Variants in TARBP1 observed in about 807,000 individuals in gnomAD.
TARBP1 encodes tRNA guanosine 2 -O-methyltransferase TARBP1, also known as tRNA (guanosine(18)-2'-O)-methyltransferase TARBP1.
A neutral mutation model predicts 178.6 loss-of-function variants in TARBP1; 144 were observed. The observed-to-expected ratio is 0.81, with a 90% CI of 0.70 to 0.93. The LOEUF (loss-of-function observed/expected upper bound fraction) is 0.93, where lower values mean the gene tolerates loss of function less well. TARBP1 is among the 40% of genes least tolerant of loss of function. The pLI is 0.00. For missense variants in TARBP1, 2,067 were observed against 2,011.7 expected, an observed-to-expected ratio of 1.03 and a Z score of -0.53; for synonymous variants, 787 against 781.0, an observed-to-expected ratio of 1.01 and a Z score of -0.13.
chr1:234,446,676 TA>T (rs1214409439), intron 12 of TARBP1, 126 bp downstream of exon 12: 5 of 242,714 alleles, frequency 2.1e-5, no homozygotes, highest in Non-Finnish European at 3.1e-5. Context: ...ATTTCTTAAA[TA>T]TATATAATTT....
chr1:234,411,634 G>C (rs1410996704), intron 22 of TARBP1, among the ~76,000 whole-genome samples: 1 of 152,156 alleles, frequency 6.6e-6, no homozygotes, highest in Non-Finnish European at 1.5e-5. Flanking sequence ...ATACTGTAGA[G>C]GCTTTAAAAA....
At chr1:234,464,404 C>A (rs1245811526) in intron 5 of TARBP1, among the ~76,000 whole-genome samples, 1 of 152,116 alleles carries the variant, frequency 6.6e-6, no homozygotes. Flanking sequence ...ACTAAAGTCA[C>A]ATTTTTTCTG....
intron 8 of TARBP1, 128 bp from the exon 9 acceptor site, chr1:234,457,884 A>G: frequency 3.5e-6 from 2 of 565,388 alleles, no homozygotes; most frequent in Non-Finnish European, 6.3e-6. Context: ...ATCAAAAGAA[A>G]GCAAATATCA....
Position 234,465,069 on chromosome 1 carries a change from C to CGGATGGATGGATGGATGGAT in TARBP1, c.1301+567_1301+586dup. Among the ~76,000 whole-genome samples, 3 of 150,772 alleles carry CGGATGGATGGATGGATGGAT rather than the reference C, an allele frequency of 2.0e-5. No individual in the cohort carries two copies. The South Asian group carries it at 6.3e-4, about 32-fold the overall frequency. ...TTCTTAATATGGATGGATGGATGAA[C>CGGATGGATGGATGGATGGAT]GGATGGATGGATGGATGGATGGATG... is the stretch of plus-strand genomic sequence containing the variant. On this transcript the variant is annotated intron_variant, in intron 5 of 29. Transcript: ENST00000040877.
In TARBP1 at chr1:234,448,493, TCATTC is replaced by T. The variant is rs1321978257; in HGVS notation, c.1943_1947del (p.Gly648GlufsTer5). The T allele has an allele frequency of 6.2e-7, 1 of 1,613,854 alleles. No homozygotes were observed. The highest frequency in any genetic ancestry group is 8.5e-7 in the Non-Finnish European group (1 of 1,179,884). On this transcript the variant is annotated frameshift_variant, in exon 11 of 30. Coordinates refer to ENST00000040877, the MANE Select transcript of TARBP1 (RefSeq NM_005646.4). LOFTEE classifies it high-confidence loss of function. ...AGAAACAATTACCTATACTGAGTCT[TCATTC>T]CTTCCACATCCACAGCCAGCAAGAC...
At position 234,463,897 on chromosome 1, in the gene TARBP1, C is replaced by T; in HGVS notation, c.1339G>A (p.Gly447Arg). 6.3e-7 allele frequency: 1 copy of T among 1,594,646 alleles called. No individual in the cohort carries two copies. Among genetic ancestry groups the T allele is most frequent in the Non-Finnish European group, 8.5e-7 (1 of 1,170,794 alleles). ...GQPIGSCSPL[G>R]LKLQKFLVTY... The stretch of plus-strand genomic sequence containing the variant: ...ACTAAAAACTTCTGTAATTTCAGTC[C>T]CAATGGAGAACAGCTTCCTATTGGC... The change falls in exon 6 of 30, where the codon GGA (glycine) becomes AGA (arginine). Residue 447 changes from glycine (G) to arginine (R), a missense_variant. By Grantham distance (125) the Gly-to-Arg change is moderately radical. Transcript: ENST00000040877.
chr1:234,408,328 C>A (rs2103059336), intron 23 of TARBP1, among the ~76,000 whole-genome samples: 1 of 152,222 alleles, frequency 6.6e-6, no homozygotes, highest in East Asian at 1.9e-4. Context: ...AACCTCCAAG[C>A]TGTCCTTGTT....
chr1:234,444,471 T>C (rs1473011663), intron 12 of TARBP1, among the ~76,000 whole-genome samples: 1 of 152,134 alleles, frequency 6.6e-6, no homozygotes, highest in Non-Finnish European at 1.5e-5. Flanking sequence ...TTAGGCACAG[T>C]AAAGTGGTAT....
chr1:234,446,343 G>A (rs368653196), intron 12 of TARBP1, among the ~76,000 whole-genome samples: 5 of 152,146 alleles, frequency 3.3e-5, no homozygotes, highest in East Asian at 3.9e-4. Context: ...AAAGGTACTC[G>A]GAGATGAACA....
intron 6 of TARBP1, among the ~76,000 whole-genome samples, chr1:234,462,005 C>T (rs1667906596): frequency 6.6e-6 from 1 of 152,216 alleles, no homozygotes; most frequent in Admixed American, 6.5e-5. Flanking sequence ...AAGATATTCA[C>T]TGGAAACTGG....
intron 20 of TARBP1, among the ~76,000 whole-genome samples, chr1:234,423,914 A>T (rs2103107013): frequency 6.6e-6 from 1 of 152,070 alleles, no homozygotes; most frequent in Non-Finnish European, 1.5e-5. Flanking sequence ...AAATAGCTAA[A>T]TATATATTAT....
rs371842630 is a variant in TARBP1 at position 234,462,214 on chromosome 1, C to G, written c.1399+1623G>C. Among the ~76,000 whole-genome samples, 27 of 152,336 alleles carry G rather than the reference C, an allele frequency of 1.8e-4. No individual in the cohort carries two copies. In the East Asian group the frequency reaches 3.1e-3, roughly 17 times the overall value. On this transcript the variant is annotated intron_variant, in intron 6 of 29. Transcript: ENST00000040877. Reference sequence around the variant, plus strand: ...ACATCGATTCAACATATTTACCAAGCATCTGTGATATGCCTGGTCCTGGAT... The same window carrying G: ...ACATCGATTCAACATATTTACCAAGGATCTGTGATATGCCTGGTCCTGGAT...
chr1:234,403,854 T>C (rs1422649789), intron 24 of TARBP1, among the ~76,000 whole-genome samples: 2 of 152,124 alleles, frequency 1.3e-5, no homozygotes, highest in Non-Finnish European at 2.9e-5. Context: ...CAGCTAATTT[T>C]TGTATTTTTA....
intron 3 of TARBP1, 51 bp from the exon 4 acceptor site, chr1:234,467,701 C>T (rs1208134710): frequency 2.0e-6 from 3 of 1,485,110 alleles, no homozygotes; most frequent in African/African-American, 2.8e-5. Flanking sequence ...TTCATTTCAC[C>T]ATCAAGACTA....
chr1:234,431,489 C>T (rs1264556357), intron 14 of TARBP1, among the ~76,000 whole-genome samples: 1 of 152,170 alleles, frequency 6.6e-6, no homozygotes, highest in Non-Finnish European at 1.5e-5. Flanking sequence ...ATCATTTCCT[C>T]CTAGAATTAA....
chr1:234,423,546 C>T (rs1432960877), intron 20 of TARBP1, among the ~76,000 whole-genome samples: 2 of 152,128 alleles, frequency 1.3e-5, no homozygotes, highest in Non-Finnish European at 2.9e-5. Flanking sequence ...ATTCTCATCC[C>T]ACCATGAAAC....
At chr1:234,402,058 TTTCC>T (rs1263576152) in intron 24 of TARBP1, among the ~76,000 whole-genome samples, 2 of 152,234 alleles carry the variant, frequency 1.3e-5, no homozygotes, top group Admixed American at 1.3e-4. Context: ...TATTCTAGCC[TTTCC>T]TTCAGCCTTT....
chr1:234,404,620 G>A (rs561341582), intron 24 of TARBP1, among the ~76,000 whole-genome samples: 2 of 152,282 alleles, frequency 1.3e-5, no homozygotes, highest in South Asian at 4.1e-4. Context: ...CAATGCTACA[G>A]TGAATGACTA....
At chr1:234,422,045 T>C (rs558646545) in intron 20 of TARBP1, among the ~76,000 whole-genome samples, 92 of 152,328 alleles carry the variant, frequency 6.0e-4, no homozygotes, top group African/African-American at 2.0e-3. Context: ...TTTCTTCTGA[T>C]ATAGGTGTGT....
Sources: gnomAD v4.1 joint callset for allele counts (sites outside exome capture counted in the v4.1 genomes callset) on GRCh38, gnomAD v4.1.1 for gene constraint, MANE v1.5 for transcripts, NCBI Gene and HGNC (gene_info 2026-07-23, HGNC 2026-07-21) for gene names.